MAP7D3: variants seen among roughly 807,000 people sequenced by gnomAD.
MAP7D3 encodes the protein MAP7 domain-containing protein 3.
MAP7D3 carries 45 observed loss-of-function variants against 62.2 expected under a neutral mutation model. The observed-to-expected ratio is 0.72, with a 90% CI of 0.57 to 0.93. MAP7D3 has a LOEUF of 0.93. Among genes scored for constraint, MAP7D3 ranks in the 40% least tolerant of loss-of-function variants. MAP7D3 has a pLI of 0.00. For synonymous variants in MAP7D3, 288 were observed against 248.8 expected, an observed-to-expected ratio of 1.16 and a Z score of -1.48; for missense variants, 711 against 683.1, an observed-to-expected ratio of 1.04 and a Z score of -0.45.
At chrX:136,251,411 C>G (rs2148427088), upstream of MAP7D3, 1 of 866,112 alleles carries the variant, frequency 1.2e-6, no homozygotes, top group Non-Finnish European at 1.4e-6. Flanking sequence ...GCGCAGGCGT[C>G]GGCGCGGCCT....
At chrX:136,238,657 C>G (rs989993737) in intron 6 of MAP7D3, among the ~76,000 whole-genome samples, 1 of 111,248 alleles carries the variant, frequency 9.0e-6, no homozygotes, top group African/African-American at 3.3e-5. Flanking sequence ...GAACTTTTCT[C>G]AGACCAATAC....
At chrX:136,222,823 T>G (rs1453405206) in intron 14 of MAP7D3, among the ~76,000 whole-genome samples, 1 of 108,442 alleles carries the variant, frequency 9.2e-6, no homozygotes, top group African/African-American at 3.4e-5. Flanking sequence ...AGCTAAAAAG[T>G]TTTTGACTGT....
intron 3 of MAP7D3, among the ~76,000 whole-genome samples, chrX:136,245,055 C>G (rs1373674393): frequency 8.9e-6 from 1 of 112,109 alleles, no homozygotes; most frequent in African/African-American, 3.2e-5. Flanking sequence ...AACTACAATT[C>G]CAAATTAAGA....
chrX:136,249,914 T>A (rs150004036), intron 1 of MAP7D3, among the ~76,000 whole-genome samples: 1,652 of 112,568 alleles, frequency 0.015, 111 homozygotes, highest in Admixed American at 0.14. Context: ...AATTCCAGTA[T>A]CTGTCCCATA....
chrX:136,242,099 A>G (rs957008028), intron 4 of MAP7D3, among the ~76,000 whole-genome samples: 2 of 111,969 alleles, frequency 1.8e-5, no homozygotes, highest in Non-Finnish European at 3.8e-5. Flanking sequence ...CCAATGGCAA[A>G]GATAAACGTA....
At chrX:136,242,308 T>A in intron 4 of MAP7D3, among the ~76,000 whole-genome samples, 1 of 112,230 alleles carries the variant, frequency 8.9e-6, no homozygotes, top group Admixed American at 9.4e-5. Flanking sequence ...TTTCTGATTC[T>A]ATTCCACTGT....
At position 136,244,683 on chromosome X, in the gene MAP7D3, T is replaced by C; in HGVS notation, c.366A>G (p.Gln122=). The stretch of plus-strand genomic sequence containing the variant: ...TTTTTTCTTCTGCAGCTATTCTCCG[T>C]TGTTCTTCTTTCTCTTTTCGCTCCT... The part of the protein sequence containing the change: ...KLKERKEKEE[Q]RRIAAEEKRH... The change falls in exon 4 of 19, where the codon CAA becomes CAG. Residue 122 remains glutamine (Q), a synonymous_variant. Transcript: ENST00000316077. 8.3e-7 allele frequency: 1 copy of C among 1,210,273 alleles called. No homozygotes were observed. The highest frequency in any genetic ancestry group is 1.8e-5 in the South Asian group (1 of 56,883).
intron 6 of MAP7D3, among the ~76,000 whole-genome samples, chrX:136,239,054 T>C (rs1470722530): frequency 8.9e-6 from 1 of 112,221 alleles, no homozygotes; most frequent in Non-Finnish European, 1.9e-5. Flanking sequence ...TCATTTTTAC[T>C]GGCTAAGTTT....
In MAP7D3 at chrX:136,231,594, C is replaced by A. The variant is rs763690316; in HGVS notation, c.1363G>T (p.Glu455Ter). ...TTGGGAGATGCTTCCATGCTTGCTT[C>A]AAGGGATGTCTTGGGGGATGCTTTC... is the stretch of plus-strand genomic sequence containing the variant. ...MVKASPKTSL[E>*]ASMEASPKAK... is the part of the protein sequence containing the mutation. Residue 455 changes from glutamate to a stop codon, truncating the protein, a stop_gained, in exon 8 of 19, where the codon GAA (glutamate) becomes TAA (stop). Transcript: ENST00000316077. LOFTEE classifies it high-confidence loss of function. The A allele has an allele frequency of 1.7e-6, 2 of 1,207,614 alleles. No homozygotes were observed. The highest frequency in any genetic ancestry group is 3.5e-5 in the African/African-American group (2 of 56,725).
In MAP7D3 at chrX:136,230,967, C is replaced by A. The variant is rs199508458; in HGVS notation, c.1414-1G>T. The A allele has an allele frequency of 8.4e-7, 1 of 1,186,037 alleles. No homozygotes were observed. Among genetic ancestry groups the A allele is most frequent in the East Asian group, 3.0e-5 (1 of 33,481 alleles). On this transcript the variant is annotated splice_acceptor_variant, in intron 8 of 18. Transcript: ENST00000316077. LOFTEE classifies it high-confidence loss of function. ...AGGCCTGTTTGTCCATTTCTGATTTCTGAACAGATAAACACAGTATGGTAA... is the reference window on the plus strand; with the variant it reads ...AGGCCTGTTTGTCCATTTCTGATTTATGAACAGATAAACACAGTATGGTAA...
At chrX:136,251,460 G>GGGCGC, upstream of MAP7D3, 2 of 774,067 alleles carry the variant, frequency 2.6e-6, no homozygotes, top group Non-Finnish European at 3.2e-6. Context: ...GGGCGGGGCG[G>GGGCGC]GGCGGGGCGG....
rs757106172 is a variant in MAP7D3, at chrX:136,227,378, T to TGAAA, written c.1939_1940insTTTC (p.Glu647ValfsTer15). ...CCCATCTTTGAGTTTCAAGTGGTCT[T>TGAAA]CTGCTTGGCCTCCAACTGCTTCCTT... is the stretch of plus-strand genomic sequence containing the variant. On this transcript the variant is annotated frameshift_variant, in exon 12 of 19. Transcript: ENST00000316077. LOFTEE classifies it high-confidence loss of function. 8.4e-6 allele frequency: 10 copies of TGAAA among 1,194,293 alleles called. No homozygotes were observed. Among genetic ancestry groups the TGAAA allele is most frequent in the Admixed American group, 6.7e-5 (3 of 44,772 alleles).
intron 13 of MAP7D3, 49 bp downstream of exon 13, chrX:136,225,860 A>G: frequency 1.2e-6 from 1 of 836,034 alleles, no homozygotes; most frequent in Non-Finnish European, 1.7e-6. Flanking sequence ...CAGGTGCCCA[A>G]CATTGTTTTA....
chrX:136,246,643 T>C (rs769513918), intron 1 of MAP7D3, among the ~76,000 whole-genome samples: 34 of 112,242 alleles, frequency 3.0e-4, no homozygotes, highest in Admixed American at 1.3e-3. Context: ...CAATGATTAA[T>C]AGGTTTTAAA....
At chrX:136,225,328 A>G (rs959274778) in intron 13 of MAP7D3, among the ~76,000 whole-genome samples, 1 of 111,796 alleles carries the variant, frequency 8.9e-6, no homozygotes, top group Non-Finnish European at 1.9e-5. Flanking sequence ...GAGGAGAAAT[A>G]TATTTCTAGG....
chrX:136,236,580 C>T (rs2148413207), intron 6 of MAP7D3, among the ~76,000 whole-genome samples: 1 of 111,471 alleles, frequency 9.0e-6, no homozygotes, highest in East Asian at 2.8e-4. Flanking sequence ...TATCTGACAT[C>T]AAAGTTCCCA....
chrX:136,251,593 C>T (rs1182227008), upstream of MAP7D3: 1 of 804,821 alleles, frequency 1.2e-6, no homozygotes, highest in Non-Finnish European at 1.5e-6. Context: ...GAAACCCTCT[C>T]CTATGTTCCG....
chrX:136,254,986 C>T (rs780948144), upstream of MAP7D3, among the ~76,000 whole-genome samples: 6 of 112,074 alleles, frequency 5.4e-5, no homozygotes, highest in Non-Finnish European at 9.4e-5. Flanking sequence ...AAGGCCAATG[C>T]GAGCAGATCA....
rs371148692 is a variant in MAP7D3, at chrX:136,246,600, G to A, written c.71-259C>T. On this transcript the variant is annotated intron_variant, in intron 1 of 18. Coordinates refer to ENST00000316077, the MANE Select transcript of MAP7D3 (RefSeq NM_024597.4). ...TAAAGATAATTGAGTTGTTAGTGGC[G>A]GTGGCAGCATAAGTTTGTGGATGAG... 3.0e-4 allele frequency among the ~76,000 whole-genome samples: 34 copies of A among 111,983 alleles called. No individual in the cohort carries two copies. In the East Asian group the frequency reaches 8.4e-3, roughly 28 times the overall value.
Sources: allele counts gnomAD v4.1 joint callset (sites outside exome capture counted in the v4.1 genomes callset), GRCh38; gene constraint gnomAD v4.1.1; transcripts MANE v1.5; gene names NCBI Gene and HGNC (gene_info 2026-07-23, HGNC 2026-07-21).